Variants in OSBPL3 observed in about 807,000 individuals in gnomAD.
OSBPL3 encodes the protein oxysterol binding protein like 3.
A neutral mutation model predicts 120.1 loss-of-function variants in OSBPL3; 65 were observed. The observed-to-expected ratio is 0.54, with a 90% CI of 0.44 to 0.67. OSBPL3 has a LOEUF of 0.67. Among genes scored for constraint, OSBPL3 ranks in the 30% least tolerant of loss-of-function variants. OSBPL3 has a pLI of 0.00. For missense variants in OSBPL3, 1,004 were observed against 1,082.1 expected (o/e 0.93, Z 1.01); for synonymous variants, 416 against 402.6 (o/e 1.03, Z -0.40).
intron 2 of OSBPL3, among the ~76,000 whole-genome samples, chr7:24,876,965 C>T (rs1406582317): frequency 6.6e-6 from 1 of 152,126 alleles, no homozygotes; most frequent in African/African-American, 2.4e-5. Flanking sequence ...CTTACATGAT[C>T]ATGTTTAATT....
In OSBPL3 at chr7:24,833,818, C is replaced by T. The variant is rs1796671449; in HGVS notation, c.1746+668G>A. ...TCTTGCCCTTTGGGTACTCCCTTCC[C>T]AATCTCCCTACCCATGAGATGGGGG... is the stretch of plus-strand genomic sequence containing the variant. On this transcript the variant is annotated intron_variant, in intron 15 of 22. Coordinates refer to ENST00000313367, the MANE Select transcript of OSBPL3 (RefSeq NM_015550.4). The surrounding 1 kb of genome is among the most constrained non-coding windows in gnomAD (Gnocchi z 4.4). Among the ~76,000 whole-genome samples, 1 of 152,182 alleles carries T rather than the reference C, an allele frequency of 6.6e-6. No homozygotes were observed. Among genetic ancestry groups the T allele is most frequent in the Admixed American group, 6.5e-5 (1 of 15,278 alleles).
At position 24,937,518 on chromosome 7, in the gene OSBPL3, T is replaced by C. The variant is rs969067741; in HGVS notation, c.-150+42368A>G. On this transcript the variant is annotated intron_variant, in intron 1 of 22. Transcript: ENST00000313367. The surrounding 1 kb of genome is among the most constrained non-coding windows in gnomAD (Gnocchi z 4.0). ...TATAGAATTTAATTTACTGAGTCCA[T>C]TATAGTTATTTATCCATCTTACTCA... 6.6e-6 allele frequency among the ~76,000 whole-genome samples: 1 copy of C among 152,218 alleles called. No homozygotes were observed.
intron 10 of OSBPL3, among the ~76,000 whole-genome samples, chr7:24,861,269 C>A (rs182458483): frequency 3.3e-5 from 5 of 152,140 alleles, no homozygotes; most frequent in African/African-American, 1.2e-4. Flanking sequence ...ACAATGAATT[C>A]TTCAAAGTGG....
At chr7:24,876,857 C>A (rs939410008) in intron 2 of OSBPL3, among the ~76,000 whole-genome samples, 1 of 152,158 alleles carries the variant, frequency 6.6e-6, no homozygotes, top group Non-Finnish European at 1.5e-5. Flanking sequence ...TAAAATAGTG[C>A]ATAGTAGATA....
At chr7:24,816,733 G>A in intron 17 of OSBPL3, 45 bp from the exon 18 acceptor site, 1 of 1,248,564 alleles carries the variant, frequency 8.0e-7, no homozygotes, top group Non-Finnish European at 1.2e-6. Context: ...GGAGAGGTAG[G>A]TAGATGAAAT....
rs760040674 is a variant in OSBPL3, at chr7:24,937,897, G to A, written c.-150+41989C>T. Among the ~76,000 whole-genome samples the A allele has an allele frequency of 3.9e-5, 6 of 152,154 alleles. No individual in the cohort carries two copies. The highest frequency in any genetic ancestry group is 1.2e-4 in the African/African-American group (5 of 41,428). On this transcript the variant is annotated intron_variant, in intron 1 of 22. Transcript: ENST00000313367. This position sits in a 1 kb window ranked among gnomAD's most constrained non-coding sequence, Gnocchi z 4.0. ...GGTTTTATATTATGCTTCCAGAATC[G>A]AAAGGTATTTCCAAAGTATAATCCA...
In OSBPL3 at chr7:24,872,448, AGTGTGTGTGTGTGTGTGT is replaced by A. The variant is rs371127031; in HGVS notation, c.97-397_97-380del. ...TCAGTCTGAATTTTAACCGAAAGAG[AGTGTGTGTGTGTGTGTGT>A]GTGTGTGTGTGTGTGTGTGTGGTGT... On this transcript the variant is annotated intron_variant, in intron 2 of 22. Coordinates refer to ENST00000313367, the MANE Select transcript of OSBPL3 (RefSeq NM_015550.4). This position sits in a 1 kb window ranked among gnomAD's most constrained non-coding sequence, Gnocchi z 4.1. Among the ~76,000 whole-genome samples, 3 of 144,988 alleles carry A rather than the reference AGTGTGTGTGTGTGTGTGT, an allele frequency of 2.1e-5. No homozygotes were observed. Among genetic ancestry groups the A allele is most frequent in the East Asian group, 3.9e-4 (2 of 5,066 alleles).
rs35400285 is a variant in OSBPL3 at position 24,831,974 on chromosome 7, G to T, written c.1747-1069C>A. On this transcript the variant is annotated intron_variant, in intron 15 of 22. Transcript: ENST00000313367. This position sits in a 1 kb window ranked among gnomAD's most constrained non-coding sequence, Gnocchi z 4.0. The stretch of plus-strand genomic sequence containing the variant: ...CCCAGCACTTTGGGAGACCGAGGCA[G>T]GTGGATCTGCTTGAGCCCAAGAGTT... Among the ~76,000 whole-genome samples the T allele has an allele frequency of 0.2, 30,748 of 152,034 alleles. 3,979 individuals are homozygous for T. Among genetic ancestry groups the T allele is most frequent in the Non-Finnish European group, 0.29 (19,836 of 67,936 alleles).
chr7:24,859,929 T>C (rs1309800273), intron 10 of OSBPL3, among the ~76,000 whole-genome samples: 1 of 152,220 alleles, frequency 6.6e-6, no homozygotes, highest in Admixed American at 6.5e-5. Flanking sequence ...TAACCTTTTA[T>C]TTTGAAATCA....
chr7:24,837,404 A>G (rs1562800464), intron 14 of OSBPL3, among the ~76,000 whole-genome samples: 1 of 151,686 alleles, frequency 6.6e-6, no homozygotes, highest in Non-Finnish European at 1.5e-5. Flanking sequence ...GGATCTTGCT[A>G]TGTTGCGCAG....
rs529143050 is a variant in OSBPL3 at position 24,854,606 on chromosome 7, G to A, written c.1028-1972C>T. 7.3e-5 allele frequency among the ~76,000 whole-genome samples: 11 copies of A among 151,654 alleles called. No individual in the cohort carries two copies. Among genetic ancestry groups the A allele is most frequent in the Non-Finnish European group, 1.0e-4 (7 of 67,972 alleles). On this transcript the variant is annotated intron_variant, in intron 10 of 22. Coordinates refer to ENST00000313367, the MANE Select transcript of OSBPL3 (RefSeq NM_015550.4). This position sits in a 1 kb window ranked among gnomAD's most constrained non-coding sequence, Gnocchi z 4.1. Reference sequence around the variant, plus strand: ...TCAAATGGAACTAAAATTTTCTAACGACGCCTATGAAACACACTTAGCTCC... The same window carrying A: ...TCAAATGGAACTAAAATTTTCTAACAACGCCTATGAAACACACTTAGCTCC...
rs1379231795 is a variant in OSBPL3, at chr7:24,899,273, TG to T, written c.-149-6653del. Among the ~76,000 whole-genome samples, 2 of 152,188 alleles carry T rather than the reference TG, an allele frequency of 1.3e-5. No individual in the cohort carries two copies. The highest frequency in any genetic ancestry group is 2.4e-5 in the African/African-American group (1 of 41,450). ...GAAGAGAAGGCAATGACAATCTTCC[TG>T]GCCTCAACCACACTGCAACTGTTAA... On this transcript the variant is annotated intron_variant, in intron 1 of 22. Coordinates refer to ENST00000313367, the MANE Select transcript of OSBPL3 (RefSeq NM_015550.4). This position sits in a 1 kb window ranked among gnomAD's most constrained non-coding sequence, Gnocchi z 4.0.
At position 24,806,824 on chromosome 7, in the gene OSBPL3, G is replaced by A. The variant is rs1213737786; in HGVS notation, c.2396C>T (p.Ser799Leu). The A allele has an allele frequency of 6.2e-7, 1 of 1,613,898 alleles. No homozygotes were observed. Among genetic ancestry groups the A allele is most frequent in the Non-Finnish European group, 8.5e-7 (1 of 1,179,754 alleles). Reference protein sequence around the residue: ...ALELNEMDPSSKSLLPPTDTR... With the variant: ...ALELNEMDPSLKSLLPPTDTR... ...GTCAGTAGGTGGCAATAAAGACTTT[G>A]ATGATGGATCCATTTCATTTAATTC... Residue 799 changes from serine to leucine, a missense_variant, in exon 21 of 23, where the codon TCA (serine) becomes TTA (leucine). By Grantham distance (145) the Ser-to-Leu change is moderately radical (BLOSUM62 -2). Coordinates refer to ENST00000313367, the MANE Select transcript of OSBPL3 (RefSeq NM_015550.4). This position sits in a 1 kb window ranked among gnomAD's most constrained non-coding sequence, Gnocchi z 5.2.
rs371665357 is a variant in OSBPL3 at position 24,863,921 on chromosome 7, G to C, written c.674-322C>G. 5.3e-5 allele frequency among the ~76,000 whole-genome samples: 8 copies of C among 152,172 alleles called. No individual in the cohort carries two copies. The highest frequency in any genetic ancestry group is 1.9e-4 in the African/African-American group (8 of 41,440). On this transcript the variant is annotated intron_variant, in intron 7 of 22. Transcript: ENST00000313367. This position sits in a 1 kb window ranked among gnomAD's most constrained non-coding sequence, Gnocchi z 5.8. ...ACATCACATGACAAGAGAGTTGTGA[G>C]AATTAAATGAGTTGATATTGCACAG... is the stretch of plus-strand genomic sequence containing the variant.
At position 24,947,615 on chromosome 7, in the gene OSBPL3, G is replaced by A. The variant is rs976439599; in HGVS notation, c.-150+32271C>T. Among the ~76,000 whole-genome samples the A allele has an allele frequency of 2.0e-5, 3 of 152,246 alleles. No individual in the cohort carries two copies. The highest frequency in any genetic ancestry group is 1.9e-4 in the East Asian group (1 of 5,194). ...ACAACTTATCTATATGGGTAAGAAG[G>A]AAGCCAAATATTGCCAAAAATATCT... On this transcript the variant is annotated intron_variant, in intron 1 of 22. Transcript: ENST00000313367. This position sits in a 1 kb window ranked among gnomAD's most constrained non-coding sequence, Gnocchi z 4.4.
Position 24,865,536 on chromosome 7 carries a change from A to G in OSBPL3, c.550-71T>C. ...CATTGGGGACATGTTAAGACAAAGGATAACAGAGTGGGCTAGTCACTAATG... is the reference window on the plus strand; with the variant it reads ...CATTGGGGACATGTTAAGACAAAGGGTAACAGAGTGGGCTAGTCACTAATG... On this transcript the variant is annotated intron_variant, in intron 6 of 22. Transcript: ENST00000313367. 4.7e-6 allele frequency: 7 copies of G among 1,486,916 alleles called. No individual in the cohort carries two copies. The East Asian group carries it at 6.8e-5, about 14-fold the overall frequency. 92.1% of individuals were successfully genotyped at this position (1,486,916 alleles called of 1,614,324 possible).
rs754332501 is a variant in OSBPL3 at position 24,803,114 on chromosome 7, C to T, written c.2567+1201G>A. 2.0e-5 allele frequency among the ~76,000 whole-genome samples: 3 copies of T among 152,126 alleles called. No homozygotes were observed. The highest frequency in any genetic ancestry group is 4.4e-5 in the Non-Finnish European group (3 of 68,026). ...ATGTTTTGGAATACAGATTTTATTA[C>T]TGCTGCTGTTATTAATAACTAAATC... On this transcript the variant is annotated intron_variant, in intron 22 of 22. Transcript: ENST00000313367. This position sits in a 1 kb window ranked among gnomAD's most constrained non-coding sequence, Gnocchi z 4.2.
rs1562862021 is a variant in OSBPL3 at position 24,871,468 on chromosome 7, A to G, written c.267+274T>C. On this transcript the variant is annotated intron_variant, in intron 4 of 22. Coordinates refer to ENST00000313367, the MANE Select transcript of OSBPL3 (RefSeq NM_015550.4). The surrounding 1 kb of genome is among the most constrained non-coding windows in gnomAD (Gnocchi z 4.8). The stretch of plus-strand genomic sequence containing the variant: ...GTTTTGTTCCTGTTATCTAGCTGCA[A>G]GGATGTATTCTCCCACCCCAGGAAC... Among the ~76,000 whole-genome samples the G allele has an allele frequency of 6.6e-6, 1 of 152,184 alleles. No individual in the cohort carries two copies. The highest frequency in any genetic ancestry group is 1.5e-5 in the Non-Finnish European group (1 of 68,022).
Position 24,862,045 on chromosome 7 carries a change from C to G in OSBPL3, c.871-276G>C, listed in dbSNP as rs1800637496. The stretch of plus-strand genomic sequence containing the variant: ...GGGACTACAGGCGCCCGCCACCACG[C>G]CCGGCTAATTTTTTGTATTTTTAGT... On this transcript the variant is annotated intron_variant, in intron 9 of 22. Transcript: ENST00000313367. This position sits in a 1 kb window ranked among gnomAD's most constrained non-coding sequence, Gnocchi z 4.4. 6.6e-6 allele frequency among the ~76,000 whole-genome samples: 1 copy of G among 152,048 alleles called. No homozygotes were observed. Among genetic ancestry groups the G allele is most frequent in the Non-Finnish European group, 1.5e-5 (1 of 68,004 alleles).
Sources: allele counts gnomAD v4.1 joint callset (sites outside exome capture counted in the v4.1 genomes callset), GRCh38; gene constraint gnomAD v4.1.1; non-coding constraint Gnocchi (gnomAD v3.1); transcripts MANE v1.5; gene names NCBI Gene and HGNC (gene_info 2026-07-23, HGNC 2026-07-21).